Variants in RBFOX1 observed in about 807,000 individuals in gnomAD.
The protein encoded by RBFOX1 is RNA binding fox-1 homolog 1.
In RBFOX1, 8 loss-of-function variants were observed where a neutral mutation model predicts 57.7. That is an observed-to-expected ratio of 0.14 (90% confidence interval 0.08 to 0.25). RBFOX1 has a LOEUF of 0.25. Among genes scored for constraint, RBFOX1 ranks in the 10% least tolerant of loss-of-function variants. RBFOX1 has a pLI of 1.00. For missense variants in RBFOX1, 611 were observed against 548.5 expected (o/e 1.11, Z -1.14); for synonymous variants, 326 against 222.4 (o/e 1.47, Z -4.15).
At chr16:6,335,605 T>C (rs1474422353) in intron 2 of RBFOX1, among the ~76,000 whole-genome samples, 1 of 151,474 alleles carries the variant, frequency 6.6e-6, no homozygotes, top group Non-Finnish European at 1.5e-5. Context: ...TGGTGAAACC[T>C]CGTCTCTACT....
intron 4 of RBFOX1, among the ~76,000 whole-genome samples, chr16:7,227,717 T>G (rs2093234130): frequency 6.6e-6 from 1 of 152,186 alleles, no homozygotes; most frequent in Non-Finnish European, 1.5e-5. Context: ...TCGCCCTGCC[T>G]GCAGGCTGGC....
At chr16:7,527,368 C>A (rs972905331) in intron 5 of RBFOX1, among the ~76,000 whole-genome samples, 1 of 152,032 alleles carries the variant, frequency 6.6e-6, no homozygotes, top group Non-Finnish European at 1.5e-5. Context: ...ACTGTCTAGT[C>A]CTGGAGAGCC....
intron 4 of RBFOX1, among the ~76,000 whole-genome samples, chr16:7,122,126 A>G (rs1277188866): frequency 6.6e-6 from 1 of 152,132 alleles, no homozygotes; most frequent in East Asian, 1.9e-4. Context: ...CACCAAATGC[A>G]CAATCTCACC....
chr16:6,625,571 C>T (rs1325072921), intron 2 of RBFOX1, among the ~76,000 whole-genome samples: 1 of 152,174 alleles, frequency 6.6e-6, no homozygotes, highest in Admixed American at 6.5e-5. Flanking sequence ...TCTCTGCCTA[C>T]TCAGATGGTT....
chr16:6,226,086 G>A lies in RBFOX1; in HGVS notation c.-126-90909G>A, dbSNP rs938775374. The stretch of plus-strand genomic sequence containing the variant: ...TAAATTAGTATTTCCCAGGCCTGGT[G>A]CAGTGGCTCATGCCTGTAATCCCAG... On this transcript the variant is annotated intron_variant, in intron 1 of 15. Transcript: ENST00000550418. Among the ~76,000 whole-genome samples, 4 of 151,946 alleles carry A rather than the reference G, an allele frequency of 2.6e-5. No homozygotes were observed. The South Asian group carries it at 8.3e-4, about 32-fold the overall frequency.
At chr16:5,477,029 T>A (rs1489742998) in intron 2 of RBFOX1, among the ~76,000 whole-genome samples, 2 of 152,234 alleles carry the variant, frequency 1.3e-5, no homozygotes, top group East Asian at 3.9e-4. Flanking sequence ...TTATTTATTT[T>A]TTTGAGACAG....
chr16:5,708,300 C>A (rs926686892), intron 3 of RBFOX1, among the ~76,000 whole-genome samples: 6 of 152,044 alleles, frequency 3.9e-5, no homozygotes, highest in Non-Finnish European at 7.4e-5. Flanking sequence ...GAGGCACTGT[C>A]CTAGGTGTTA....
chr16:5,583,051 A>G (rs2046724784), intron 2 of RBFOX1, among the ~76,000 whole-genome samples: 1 of 152,212 alleles, frequency 6.6e-6, no homozygotes, highest in African/African-American at 2.4e-5. Context: ...GAAAGGTAAC[A>G]TGCCCAAGTT....
chr16:6,727,476 C>T (rs2063922499), intron 3 of RBFOX1, among the ~76,000 whole-genome samples: 1 of 151,804 alleles, frequency 6.6e-6, no homozygotes, highest in Non-Finnish European at 1.5e-5. Flanking sequence ...AGATGAAGCA[C>T]AGGGCAAAAA....
At chr16:6,087,709 G>A (rs1299932624) in intron 1 of RBFOX1, among the ~76,000 whole-genome samples, 3 of 149,944 alleles carry the variant, frequency 2.0e-5, no homozygotes, top group Admixed American at 6.7e-5. Context: ...GCTGGGTGCC[G>A]TGGCGTGATC....
intron 3 of RBFOX1, among the ~76,000 whole-genome samples, chr16:6,799,120 C>A (rs961344251): frequency 1.3e-5 from 2 of 151,970 alleles, no homozygotes; most frequent in Non-Finnish European, 2.9e-5. Context: ...GCAGGTGAAT[C>A]CCAGAACTGG....
At chr16:6,296,447 G>A (rs2078120486) in intron 1 of RBFOX1, among the ~76,000 whole-genome samples, 2 of 150,392 alleles carry the variant, frequency 1.3e-5, no homozygotes, top group Non-Finnish European at 3.0e-5. Context: ...TCGAGGTGGA[G>A]TCTCGCTCTG....
chr16:6,680,038 T>G (rs970440310), intron 3 of RBFOX1, among the ~76,000 whole-genome samples: 2 of 152,060 alleles, frequency 1.3e-5, no homozygotes, highest in Non-Finnish European at 2.9e-5. Flanking sequence ...AACCCAGTTC[T>G]GCTGTTTCAT....
intron 4 of RBFOX1, among the ~76,000 whole-genome samples, chr16:6,009,947 A>G (rs117839652): frequency 0.012 from 1,791 of 152,254 alleles, 20 homozygotes; most frequent in Non-Finnish European, 0.019. Flanking sequence ...GATGAGTCTT[A>G]CATACACTGC....
intron 3 of RBFOX1, among the ~76,000 whole-genome samples, chr16:5,614,638 T>C (rs1470509774): frequency 6.6e-6 from 1 of 152,192 alleles, no homozygotes. Flanking sequence ...TGCTCCATAA[T>C]TCTGAAACAC....
intron 4 of RBFOX1, among the ~76,000 whole-genome samples, chr16:5,918,066 C>G (rs1044830402): frequency 3.3e-5 from 5 of 152,178 alleles, no homozygotes; most frequent in African/African-American, 9.7e-5. Context: ...GTCCCAAGCA[C>G]TCAGTCAGCA....
intron 4 of RBFOX1, among the ~76,000 whole-genome samples, chr16:7,056,424 C>T (rs1240628560): frequency 1.3e-5 from 2 of 152,170 alleles, no homozygotes; most frequent in African/African-American, 2.4e-5. Context: ...GGAATCTGTG[C>T]ATTAACCACT....
At chr16:7,674,199 G>A (rs956513128) in intron 13 of RBFOX1, among the ~76,000 whole-genome samples, 23 of 152,164 alleles carry the variant, frequency 1.5e-4, no homozygotes, top group African/African-American at 5.6e-4. Context: ...AGTAAAGATA[G>A]AGGAGAGATA....
intron 3 of RBFOX1, among the ~76,000 whole-genome samples, chr16:6,806,836 A>ATATATATATATATATATATATATAT (rs754342591): frequency 2.2e-5 from 2 of 91,902 alleles, no homozygotes; most frequent in Non-Finnish European, 2.1e-5. Flanking sequence ...ATATATATAT[A>ATATATATATATATATATATATATAT]TTTTTTTTTT....
Sources: allele counts gnomAD v4.1 joint callset (sites outside exome capture counted in the v4.1 genomes callset), GRCh38; gene constraint gnomAD v4.1.1; transcripts MANE v1.5; gene names NCBI Gene and HGNC (gene_info 2026-07-23, HGNC 2026-07-21).